CWC27: variants seen among roughly 807,000 people sequenced by gnomAD.
The protein encoded by CWC27 is CWC27 spliceosome associated cyclophilin, also known as spliceosome-associated protein CWC27 homolog.
CWC27 carries 47 observed loss-of-function variants against 63.6 expected under a neutral mutation model. The observed-to-expected ratio is 0.74, with a 90% CI of 0.58 to 0.94. The LOEUF (loss-of-function observed/expected upper bound fraction) is 0.94, where lower values mean the gene tolerates loss of function less well. CWC27 is among the 40% of genes least tolerant of loss of function. The pLI is 0.00. For synonymous variants in CWC27, 175 were observed against 179.8 expected (o/e 0.97, Z 0.22); for missense variants, 495 against 554.3 (o/e 0.89, Z 1.07).
At chr5:64,882,862 C>T (rs780523122) in intron 10 of CWC27, among the ~76,000 whole-genome samples, 19 of 152,206 alleles carry the variant, frequency 1.2e-4, no homozygotes, top group Non-Finnish European at 2.4e-4. Context: ...TCCCAAAGTG[C>T]TGGGATTACA....
intron 7 of CWC27, among the ~76,000 whole-genome samples, chr5:64,794,279 C>CA (rs1163997360): frequency 6.6e-6 from 1 of 152,086 alleles, no homozygotes; most frequent in Non-Finnish European, 1.5e-5. Flanking sequence ...ATAGTACAGT[C>CA]AGATAGATTT....
chr5:64,986,804 T>A (rs1749442729), intron 13 of CWC27, among the ~76,000 whole-genome samples: 1 of 152,156 alleles, frequency 6.6e-6, no homozygotes, highest in South Asian at 2.1e-4. Context: ...TCCAGTAGCA[T>A]TTGTTCCAGG....
intron 12 of CWC27, 96 bp from the exon 13 acceptor site, chr5:64,977,039 C>T: frequency 1.6e-6 from 1 of 637,518 alleles, no homozygotes; most frequent in Non-Finnish European, 2.5e-6. Context: ...GTTTTACATC[C>T]AAGTAGGATA....
intron 11 of CWC27, among the ~76,000 whole-genome samples, chr5:64,920,706 A>T (rs556898926): frequency 6.6e-6 from 1 of 152,302 alleles, no homozygotes; most frequent in African/African-American, 2.4e-5. Context: ...TCAGGAATTT[A>T]TCCATTTCTT....
At chr5:64,796,855 CCCTTCTTTCCTCCTTCCTT>C (rs1561411204) in intron 7 of CWC27, among the ~76,000 whole-genome samples, 1 of 134,206 alleles carries the variant, frequency 7.5e-6, no homozygotes, top group African/African-American at 2.8e-5. Context: ...CTCCCTCCCT[CCCTTCTTTCCTCCTTCCTT>C]CCTTCTTTCC....
At chr5:64,991,431 A>T (rs1489967799) in intron 13 of CWC27, among the ~76,000 whole-genome samples, 1 of 152,278 alleles carries the variant, frequency 6.6e-6, no homozygotes, top group African/African-American at 2.4e-5. Flanking sequence ...TCACTACATT[A>T]AAACAAATGG....
At chr5:64,903,427 C>G (rs1286734051) in intron 11 of CWC27, among the ~76,000 whole-genome samples, 1 of 151,666 alleles carries the variant, frequency 6.6e-6, no homozygotes, top group East Asian at 1.9e-4. Context: ...AACACAGGAA[C>G]AGAAAACCAA....
intron 11 of CWC27, among the ~76,000 whole-genome samples, chr5:64,890,730 A>G (rs143847434): frequency 3.9e-5 from 6 of 152,324 alleles, no homozygotes; most frequent in African/African-American, 1.4e-4. Flanking sequence ...ATAGCCACTA[A>G]TAAATTGATT....
chr5:64,877,528 G>A (rs1746822547), intron 10 of CWC27, among the ~76,000 whole-genome samples: 1 of 151,894 alleles, frequency 6.6e-6, no homozygotes, highest in South Asian at 2.1e-4. Context: ...ATAATGGATT[G>A]TATACTTCAA....
In CWC27 at chr5:65,012,498, C is replaced by CT. The variant is rs571028977; in HGVS notation, c.1257-5660dup. 7.1e-3 allele frequency among the ~76,000 whole-genome samples: 1,088 copies of CT among 152,286 alleles called. 5 individuals are homozygous for CT. The highest frequency in any genetic ancestry group is 0.011 in the Non-Finnish European group (775 of 68,026). On this transcript the variant is annotated intron_variant, in intron 13 of 13. Transcript: ENST00000381070. ...CTCTGCGTTTACCACATCGTGGTGT[C>CT]TGTCTGTATGTTCTTACAGATTGTT...
At chr5:64,966,352 A>G (rs1749012515) in intron 11 of CWC27, among the ~76,000 whole-genome samples, 1 of 152,202 alleles carries the variant, frequency 6.6e-6, no homozygotes, top group Non-Finnish European at 1.5e-5. Flanking sequence ...AAAGAAAAAC[A>G]TATAGAGTTA....
At chr5:64,980,298 G>A (rs1259738700) in intron 13 of CWC27, among the ~76,000 whole-genome samples, 2 of 152,106 alleles carry the variant, frequency 1.3e-5, no homozygotes, top group Non-Finnish European at 2.9e-5. Context: ...CTTTGAGCAT[G>A]GATTTTATGA....
intron 11 of CWC27, among the ~76,000 whole-genome samples, chr5:64,958,395 TCA>T (rs1457817300): frequency 2.0e-5 from 3 of 152,172 alleles, no homozygotes; most frequent in African/African-American, 4.8e-5. Context: ...TCTCCAAACC[TCA>T]GTTTTTTTAT....
intron 7 of CWC27, among the ~76,000 whole-genome samples, chr5:64,798,735 A>G (rs1186970078): frequency 6.6e-6 from 1 of 152,192 alleles, no homozygotes; most frequent in East Asian, 1.9e-4. Context: ...CTTAAGGAAA[A>G]GAAGTGTTTT....
chr5:64,923,570 A>G (rs1748042439), intron 11 of CWC27, among the ~76,000 whole-genome samples: 1 of 144,892 alleles, frequency 6.9e-6, no homozygotes, highest in Non-Finnish European at 1.5e-5. Flanking sequence ...TTTACTCAAT[A>G]TTCTGGTCTG....
intron 11 of CWC27, among the ~76,000 whole-genome samples, chr5:64,912,186 G>T (rs187282971): frequency 6.6e-6 from 1 of 151,972 alleles, no homozygotes; most frequent in Non-Finnish European, 1.5e-5. Flanking sequence ...TGGATTGCCA[G>T]TGCCTTTAGG....
chr5:64,939,476 CCTT>C lies in CWC27; in HGVS notation c.1043-32221_1043-32219del, dbSNP rs572029249. Among the ~76,000 whole-genome samples the C allele has an allele frequency of 5.3e-3, 812 of 152,296 alleles. 9 individuals carry two copies. The highest frequency in any genetic ancestry group is 6.0e-3 in the Non-Finnish European group (411 of 68,028). On this transcript the variant is annotated intron_variant, in intron 11 of 13. Coordinates refer to ENST00000381070, the MANE Select transcript of CWC27 (RefSeq NM_005869.4). The stretch of plus-strand genomic sequence containing the variant: ...AGAACAGCAAAGATTGCTGCCTGTT[CCTT>C]CTTCTGGAAGCTTCATCCCAGAGGG...
At chr5:64,956,099 G>A (rs763049594) in intron 11 of CWC27, among the ~76,000 whole-genome samples, 3 of 152,004 alleles carry the variant, frequency 2.0e-5, no homozygotes, top group East Asian at 1.9e-4. Context: ...TCTTAGACAC[G>A]AGTCCAAACA....
chr5:64,903,526 G>A (rs1259908806), intron 11 of CWC27, among the ~76,000 whole-genome samples: 2 of 151,828 alleles, frequency 1.3e-5, no homozygotes, highest in Non-Finnish European at 2.9e-5. Flanking sequence ...GGGCCTGTTG[G>A]GGGATCGGGG....
Sources: allele counts gnomAD v4.1 joint callset (sites outside exome capture counted in the v4.1 genomes callset), GRCh38; gene constraint gnomAD v4.1.1; transcripts MANE v1.5; gene names NCBI Gene and HGNC (gene_info 2026-07-23, HGNC 2026-07-21).